The following VWC2L variants were observed in gnomAD, a reference collection of about 807,000 sequenced individuals.
VWC2L encodes the protein von Willebrand factor C domain containing 2 like, also known as von Willebrand factor C domain-containing protein 2-like.
A neutral mutation model predicts 21.6 loss-of-function variants in VWC2L; 10 were observed. That is an observed-to-expected ratio of 0.46 (90% confidence interval 0.29 to 0.78). The LOEUF is 0.78. Ranked by LOEUF, VWC2L falls within the 30% of genes least tolerant of loss-of-function variation. VWC2L has a pLI of 0.10. For synonymous variants in VWC2L, 96 were observed against 94.3 expected, an observed-to-expected ratio of 1.02 and a Z score of -0.10; for missense variants, 209 against 277.1, an observed-to-expected ratio of 0.75 and a Z score of 1.74.
chr2:214,546,855 G>A (rs1358751209), intron 3 of VWC2L, among the ~76,000 whole-genome samples: 1 of 152,132 alleles, frequency 6.6e-6, no homozygotes, highest in Non-Finnish European at 1.5e-5. Context: ...AAGTGTCACA[G>A]AGGAAACCCC....
At chr2:214,564,256 T>C (rs963173635) in intron 3 of VWC2L, among the ~76,000 whole-genome samples, 6 of 152,156 alleles carry the variant, frequency 3.9e-5, no homozygotes, top group Admixed American at 1.3e-4. Context: ...AAGTAATCTA[T>C]AGATTCAATG....
chr2:214,422,327 C>T (rs1011044908), intron 2 of VWC2L, among the ~76,000 whole-genome samples: 11 of 150,680 alleles, frequency 7.3e-5, no homozygotes, highest in African/African-American at 2.7e-4. Context: ...GTGTGTTAAA[C>T]TGGAAGGAGC....
chr2:214,481,650 T>C (rs1688605138), intron 3 of VWC2L, among the ~76,000 whole-genome samples: 1 of 152,178 alleles, frequency 6.6e-6, no homozygotes, highest in Admixed American at 6.5e-5. Flanking sequence ...TAACCACAAA[T>C]AATAGTTTGA....
At chr2:214,531,935 G>A (rs953964396) in intron 3 of VWC2L, among the ~76,000 whole-genome samples, 2 of 152,116 alleles carry the variant, frequency 1.3e-5, no homozygotes, top group Non-Finnish European at 2.9e-5. Context: ...AATCTACAGT[G>A]TTTCAATCTT....
intron 3 of VWC2L, among the ~76,000 whole-genome samples, chr2:214,454,598 CTTTTTT>C (rs34032234): frequency 6.2e-5 from 4 of 64,134 alleles, no homozygotes; most frequent in South Asian, 6.6e-4. Context: ...GATTGATTTT[CTTTTTT>C]TTTTTTTTTT....
At chr2:214,415,555 T>C (rs150952659) in intron 2 of VWC2L, among the ~76,000 whole-genome samples, 168 of 152,224 alleles carry the variant, frequency 1.1e-3, no homozygotes, top group African/African-American at 3.7e-3. Flanking sequence ...AGAGAAGACA[T>C]TTCCATTATT....
At chr2:214,547,650 A>G (rs1199268939) in intron 3 of VWC2L, among the ~76,000 whole-genome samples, 3 of 152,222 alleles carry the variant, frequency 2.0e-5, no homozygotes, top group African/African-American at 7.2e-5. Flanking sequence ...CTGAAATTAT[A>G]TCTAGCTTTC....
chr2:214,434,525 A>C (rs753869360), intron 2 of VWC2L, among the ~76,000 whole-genome samples: 11 of 152,200 alleles, frequency 7.2e-5, no homozygotes, highest in Admixed American at 3.9e-4. Context: ...GTGGCAGTCC[A>C]TTATAGCAGT....
intron 3 of VWC2L, among the ~76,000 whole-genome samples, chr2:214,480,416 A>C (rs931006754): frequency 6.6e-6 from 1 of 152,206 alleles, no homozygotes; most frequent in Admixed American, 6.5e-5. Context: ...ATATGGATTC[A>C]ATACATTCAG....
rs1468830787 is a variant in VWC2L, at chr2:214,578,940, ATT to A, written c.*3121_*3122del. 6.6e-6 allele frequency: 1 copy of A among 152,122 alleles called. No homozygotes were observed. The highest frequency in any genetic ancestry group is 2.4e-5 in the African/African-American group (1 of 41,446). 9.4% of individuals were successfully genotyped at this position (152,122 alleles called of 1,614,324 possible). A position where few individuals can be genotyped will look rare whatever the true frequency, so the allele number is the denominator to read the frequency against. ...GTGTAAAAGAATATATTATTAAAAAATTATTTTGTTAAATATAAAGTGTGTTA... is the reference window on the plus strand; with the variant it reads ...GTGTAAAAGAATATATTATTAAAAAAATTTTGTTAAATATAAAGTGTGTTA... On this transcript the variant is annotated 3_prime_UTR_variant, in exon 4 of 4. Coordinates refer to ENST00000312504, the MANE Select transcript of VWC2L (RefSeq NM_001080500.4).
chr2:214,485,662 T>C (rs1193485455), intron 3 of VWC2L, among the ~76,000 whole-genome samples: 2 of 152,164 alleles, frequency 1.3e-5, no homozygotes, highest in Non-Finnish European at 2.9e-5. Context: ...CCCTAGGAAA[T>C]ATGCTTTCTT....
chr2:214,414,880 T>C (rs3924563), intron 2 of VWC2L: 62,454 of 353,874 alleles, frequency 0.18, 8,866 homozygotes, highest in African/African-American at 0.51. Flanking sequence ...ACAAAATATG[T>C]TTTCTGATGG....
chr2:214,560,125 G>A (rs1013267056), intron 3 of VWC2L, among the ~76,000 whole-genome samples: 1 of 152,084 alleles, frequency 6.6e-6, no homozygotes, highest in African/African-American at 2.4e-5. Flanking sequence ...CTGTTTGATA[G>A]TTGCTAGCTA....
chr2:214,447,170 T>C (rs923925024), intron 3 of VWC2L, among the ~76,000 whole-genome samples: 1 of 152,106 alleles, frequency 6.6e-6, no homozygotes, highest in African/African-American at 2.4e-5. Context: ...AGTGAAGGCA[T>C]TCGCTGTTGC....
intron 3 of VWC2L, among the ~76,000 whole-genome samples, chr2:214,476,409 T>C (rs1005494410): frequency 6.6e-6 from 1 of 152,182 alleles, no homozygotes. Context: ...GTATAGTAAT[T>C]GCAGAAATAT....
At chr2:214,414,889 G>T (rs1217531323) in intron 2 of VWC2L, 12 of 335,746 alleles carry the variant, frequency 3.6e-5, no homozygotes, top group Non-Finnish European at 6.0e-5. Flanking sequence ...GTTTTCTGAT[G>T]GGAACAATTT....
At chr2:214,449,707 T>C (rs1001464090) in intron 3 of VWC2L, among the ~76,000 whole-genome samples, 1 of 152,170 alleles carries the variant, frequency 6.6e-6, no homozygotes, top group African/African-American at 2.4e-5. Context: ...TTTTGAAATA[T>C]ATTTATGGTT....
chr2:214,495,925 T>A (rs1688805309), intron 3 of VWC2L, among the ~76,000 whole-genome samples: 1 of 152,092 alleles, frequency 6.6e-6, no homozygotes, highest in South Asian at 2.1e-4. Context: ...GAGCTGAATA[T>A]CCTACATACA....
At chr2:214,524,914 C>T (rs1689304087) in intron 3 of VWC2L, among the ~76,000 whole-genome samples, 1 of 144,644 alleles carries the variant, frequency 6.9e-6, no homozygotes, top group Admixed American at 7.3e-5. Context: ...TCTTCAGAGC[C>T]AAGGGCACTT....
Sources: gnomAD v4.1 joint callset for allele counts (sites outside exome capture counted in the v4.1 genomes callset) on GRCh38, gnomAD v4.1.1 for gene constraint, MANE v1.5 for transcripts, NCBI Gene and HGNC (gene_info 2026-07-23, HGNC 2026-07-21) for gene names.